The following ANO3 variants were observed in gnomAD, a reference collection of about 807,000 sequenced individuals.
ANO3 encodes anoctamin 3.
Under a neutral mutation model 144.8 loss-of-function variants are expected in ANO3, and 99 were observed. The observed-to-expected ratio is 0.68, with a 90% CI of 0.58 to 0.81. The LOEUF is 0.81. Ranked by LOEUF, ANO3 falls within the 30% of genes least tolerant of loss-of-function variation. The pLI, the probability that ANO3 is intolerant of heterozygous loss-of-function variation, is 0.00. For synonymous variants in ANO3, 414 were observed against 392.6 expected (o/e 1.05, Z -0.64); for missense variants, 905 against 1,202.2 (o/e 0.75, Z 3.66).
chr11:26,467,931 T>G (rs1042334948), intron 4 of ANO3, among the ~76,000 whole-genome samples: 1 of 151,862 alleles, frequency 6.6e-6, no homozygotes, highest in African/African-American at 2.4e-5. Context: ...GCAAGCAAAG[T>G]TCTAGAGCAA....
chr11:26,304,706 T>C (rs1004300375), upstream of ANO3, among the ~76,000 whole-genome samples: 1 of 152,204 alleles, frequency 6.6e-6, no homozygotes, highest in East Asian at 1.9e-4. Context: ...TGTAAAATTA[T>C]GTTATACAAG....
At chr11:26,549,960 C>T (rs434831) in intron 12 of ANO3, among the ~76,000 whole-genome samples, 107,763 of 151,438 alleles carry the variant, frequency 0.71, 38,647 homozygotes, top group East Asian at 0.84. Context: ...TAGCAATAAG[C>T]TTCTTCCATT....
At chr11:26,416,828 C>T (rs529039802) in intron 1 of ANO3, among the ~76,000 whole-genome samples, 4 of 152,096 alleles carry the variant, frequency 2.6e-5, no homozygotes, top group Non-Finnish European at 5.9e-5. Context: ...TAGGCCTACA[C>T]CTAATTTTGA....
chr11:26,451,792 TCCCTGAC>T (rs1348408786), intron 3 of ANO3, among the ~76,000 whole-genome samples: 3 of 152,084 alleles, frequency 2.0e-5, no homozygotes, highest in African/African-American at 7.2e-5. Context: ...CTCAAGTGGG[TCCCTGAC>T]CCCTGACCCC....
At chr11:26,194,673 T>C (rs1448989152) in intron 1 of ANO3, among the ~76,000 whole-genome samples, 1 of 151,934 alleles carries the variant, frequency 6.6e-6, no homozygotes, top group Non-Finnish European at 1.5e-5. Context: ...GCTAATTTTG[T>C]ATTTTTAGTA....
chr11:26,579,619 G>T (rs188251822), intron 14 of ANO3, among the ~76,000 whole-genome samples: 13 of 152,280 alleles, frequency 8.5e-5, no homozygotes, highest in Admixed American at 2.6e-4. Flanking sequence ...CAATTTTTGT[G>T]CTGAATTAGG....
intron 1 of ANO3, among the ~76,000 whole-genome samples, chr11:26,233,966 G>A (rs1039728542): frequency 2.0e-5 from 3 of 150,270 alleles, no homozygotes; most frequent in African/African-American, 7.3e-5. Context: ...AGGGGAGGGA[G>A]AGCATTAGGA....
intron 1 of ANO3, among the ~76,000 whole-genome samples, chr11:26,293,576 T>TATATATATATA (rs1854016890): frequency 1.4e-5 from 2 of 138,010 alleles, no homozygotes; most frequent in Admixed American, 7.3e-5. Flanking sequence ...TATATATATA[T>TATATATATATA]TCCTGTTGTT....
At chr11:26,612,149 T>C (rs1316297967) in intron 17 of ANO3, among the ~76,000 whole-genome samples, 1 of 152,154 alleles carries the variant, frequency 6.6e-6, no homozygotes, top group Non-Finnish European at 1.5e-5. Flanking sequence ...ATTTAGTTAA[T>C]GATTTCTTGG....
rs185649515 is a variant in ANO3, at chr11:26,242,618, T to A, written c.154+53288T>A. Among the ~76,000 whole-genome samples, 160 of 152,326 alleles carry A rather than the reference T, an allele frequency of 1.1e-3. 1 individual carries two copies. In the Middle Eastern group the frequency reaches 0.014, roughly 13 times the overall value. On this transcript the variant is annotated intron_variant, in intron 1 of 27. Transcript: ENST00000672621. ...ATTTTTACCAGAAAGTTTTCTTGGA[T>A]GGAAAAGTTTTATAATAGCAGTAAA...
intron 1 of ANO3, among the ~76,000 whole-genome samples, chr11:26,414,806 A>G (rs1857533357): frequency 6.6e-6 from 1 of 151,456 alleles, no homozygotes; most frequent in South Asian, 2.1e-4. Flanking sequence ...CCGGTGCTAG[A>G]GCAATCCCTT....
intron 1 of ANO3, among the ~76,000 whole-genome samples, chr11:26,299,749 G>A (rs73441526): frequency 2.1e-4 from 32 of 152,062 alleles, no homozygotes; most frequent in Non-Finnish European, 2.9e-4. Context: ...TGAAGTAGGA[G>A]TGAGGGATAG....
At chr11:26,655,306 G>T (rs1275907102) in intron 24 of ANO3, among the ~76,000 whole-genome samples, 3 of 152,104 alleles carry the variant, frequency 2.0e-5, no homozygotes, top group Admixed American at 1.3e-4. Context: ...GACTTGCTGA[G>T]CCTAATTCTT....
chr11:26,355,233 A>G (rs888426411), intron 1 of ANO3, among the ~76,000 whole-genome samples: 2 of 152,148 alleles, frequency 1.3e-5, no homozygotes, highest in Non-Finnish European at 2.9e-5. Flanking sequence ...AAAAACAGTG[A>G]AGAGTTGATT....
At chr11:26,302,323 C>T (rs2133863739) in intron 1 of ANO3, among the ~76,000 whole-genome samples, 1 of 152,162 alleles carries the variant, frequency 6.6e-6, no homozygotes. Flanking sequence ...GGTGAAACCC[C>T]GTCTTTACTA....
intron 1 of ANO3, among the ~76,000 whole-genome samples, chr11:26,239,099 G>T (rs900736215): frequency 2.7e-5 from 4 of 150,122 alleles, no homozygotes; most frequent in Admixed American, 2.7e-4. Flanking sequence ...ACAGCTTGAG[G>T]TTCATGTTTC....
chr11:26,630,320 A>G (rs1323234600), intron 18 of ANO3, among the ~76,000 whole-genome samples: 1 of 152,232 alleles, frequency 6.6e-6, no homozygotes, highest in Non-Finnish European at 1.5e-5. Context: ...CTTCACTGGC[A>G]TTTCTCACAG....
chr11:26,408,624 G>C (rs1453885514), intron 1 of ANO3, among the ~76,000 whole-genome samples: 1 of 148,588 alleles, frequency 6.7e-6, no homozygotes, highest in Non-Finnish European at 1.5e-5. Flanking sequence ...CCCATTACTG[G>C]GTATATGCCC....
intron 1 of ANO3, among the ~76,000 whole-genome samples, chr11:26,208,556 A>G (rs953373500): frequency 3.3e-5 from 5 of 151,944 alleles, no homozygotes; most frequent in African/African-American, 1.2e-4. Flanking sequence ...AAACATTCAG[A>G]CCATAGCAAA....
Sources: gnomAD v4.1 joint callset for allele counts (sites outside exome capture counted in the v4.1 genomes callset) on GRCh38, gnomAD v4.1.1 for gene constraint, MANE v1.5 for transcripts, NCBI Gene and HGNC (gene_info 2026-07-23, HGNC 2026-07-21) for gene names.